GTF2I: variants seen among roughly 807,000 people sequenced by gnomAD.
The protein encoded by GTF2I is general transcription factor IIi.
In GTF2I, 12 loss-of-function variants were observed where a neutral mutation model predicts 67.6. The observed-to-expected ratio is 0.18, with a 90% CI of 0.11 to 0.29. The LOEUF is 0.29. Ranked by LOEUF, GTF2I falls within the 10% of genes least tolerant of loss-of-function variation. The probability of loss-of-function intolerance (pLI) is 1.00; values close to 1 mark genes in which losing one functional copy is unlikely to be tolerated. For missense variants in GTF2I, 271 were observed against 580.1 expected (o/e 0.47, Z 5.47); for synonymous variants, 149 against 197.0 (o/e 0.76, Z 2.04).
chr7:74,724,192 T>G (rs1288068079), intron 12 of GTF2I, among the ~76,000 whole-genome samples: 1 of 152,228 alleles, frequency 6.6e-6, no homozygotes, highest in African/African-American at 2.4e-5. Context: ...GTAAAGAGTT[T>G]TAGAGGAGCT....
At chr7:74,747,878 G>T (rs370097874) in intron 23 of GTF2I, 137 bp from the exon 24 acceptor site, 1,452 of 128,186 alleles carry the variant, frequency 0.011, 5 homozygotes, top group South Asian at 0.021. Flanking sequence ...TGTGGAACTC[G>T]CCGGAATGAC....
In GTF2I at chr7:74,712,487, AGTGTGTGTGTGTGTGTGT is replaced by A. The variant is rs142200093; in HGVS notation, c.763+1411_763+1428del. Among the ~76,000 whole-genome samples, 1,047 of 131,842 alleles carry A rather than the reference AGTGTGTGTGTGTGTGTGT, an allele frequency of 7.9e-3. 3 individuals are homozygous for A. The highest frequency in any genetic ancestry group is 0.011 in the Non-Finnish European group (689 of 61,228). The allele number at this position is 131,842 out of a possible 152,430, so 86.5% of individuals were successfully genotyped here. A position where few individuals can be genotyped will look rare whatever the true frequency, so the allele number is the denominator to read the frequency against. ...TTTACTACGTAAATATTCTCCCGGG[AGTGTGTGTGTGTGTGTGT>A]GTGTGTGTGTGTGTGTGTGTGTGTG... On this transcript the variant is annotated intron_variant, in intron 9 of 34. Transcript: ENST00000573035.
intron 1 of GTF2I, among the ~76,000 whole-genome samples, chr7:74,666,438 T>A (rs1804976859): frequency 1.3e-5 from 2 of 152,208 alleles, no homozygotes; most frequent in Admixed American, 1.3e-4. Context: ...ATGTATTATG[T>A]CCATATGAGG....
At chr7:74,665,448 C>T (rs1284718576) in intron 1 of GTF2I, among the ~76,000 whole-genome samples, 1 of 151,920 alleles carries the variant, frequency 6.6e-6, no homozygotes, top group Non-Finnish European at 1.5e-5. Flanking sequence ...GACAGGGTTT[C>T]ACCATGTTGG....
rs782675708 is a variant in GTF2I at position 74,674,712 on chromosome 7, ATTT to A, written c.-5-14400_-5-14398del. ...AGCCACCACGCTCAACTAATTTTGC[ATTT>A]TTTTTTTTTTTAGTGGAGACGGGGT... On this transcript the variant is annotated intron_variant, in intron 1 of 34. Transcript: ENST00000573035. 1.9e-3 allele frequency among the ~76,000 whole-genome samples: 254 copies of A among 132,188 alleles called. 1 individual carries two copies. The highest frequency in any genetic ancestry group is 6.8e-3 in the African/African-American group (245 of 35,858). The allele number at this position is 132,188 out of a possible 152,430, so 86.7% of individuals were successfully genotyped here. A position where few individuals can be genotyped will look rare whatever the true frequency, so the allele number is the denominator to read the frequency against.
chr7:74,663,946 C>T (rs1554387570), intron 1 of GTF2I, among the ~76,000 whole-genome samples: 3 of 152,122 alleles, frequency 2.0e-5, no homozygotes, highest in African/African-American at 7.2e-5. Flanking sequence ...TCTCCTGCCT[C>T]AGTCTCCTAA....
At chr7:74,702,059 AT>A (rs1789852338) in intron 6 of GTF2I, among the ~76,000 whole-genome samples, 1 of 152,024 alleles carries the variant, frequency 6.6e-6, no homozygotes, top group Non-Finnish European at 1.5e-5. Flanking sequence ...CTGTCTGTTG[AT>A]CCAGTCATCA....
chr7:74,735,656 T>A, intron 17 of GTF2I, 124 bp downstream of exon 17: 1 of 463,120 alleles, frequency 2.2e-6, no homozygotes, highest in Non-Finnish European at 4.0e-6. Context: ...GTTTTCCCTG[T>A]TTTTTTTTTT....
chr7:74,679,483 A>G (rs782709508), intron 1 of GTF2I, among the ~76,000 whole-genome samples: 2 of 152,198 alleles, frequency 1.3e-5, no homozygotes, highest in Non-Finnish European at 2.9e-5. Context: ...TGAAAAGGAT[A>G]TTATACTTTG....
At chr7:74,720,844 G>A (rs1161877922) in intron 12 of GTF2I, among the ~76,000 whole-genome samples, 3 of 149,382 alleles carry the variant, frequency 2.0e-5, no homozygotes, top group South Asian at 2.1e-4. Context: ...CCTGGTTCAC[G>A]CCATTCTCCT....
intron 1 of GTF2I, among the ~76,000 whole-genome samples, chr7:74,667,273 G>C (rs1159169201): frequency 2.0e-5 from 3 of 152,084 alleles, no homozygotes; most frequent in African/African-American, 7.2e-5. Context: ...AACCCGGGAG[G>C]TGGAGGTTAC....
At chr7:74,716,651 C>T in intron 10 of GTF2I, 3 of 377,634 alleles carry the variant, frequency 7.9e-6, no homozygotes, top group South Asian at 4.9e-5. Flanking sequence ...ATATTAAATC[C>T]CCAAACCTAC....
At chr7:74,705,246 T>G (rs139003561) in intron 7 of GTF2I, 28 bp downstream of exon 7, 2 of 1,366,626 alleles carry the variant, frequency 1.5e-6, no homozygotes, top group East Asian at 4.6e-5. Context: ...TACTGCTGTT[T>G]AACTCCCACA....
At chr7:74,707,941 T>G (rs1268696129) in intron 8 of GTF2I, among the ~76,000 whole-genome samples, 1 of 152,086 alleles carries the variant, frequency 6.6e-6, no homozygotes, top group Non-Finnish European at 1.5e-5. Context: ...AAGATGTACA[T>G]TTATAGCCAG....
At chr7:74,690,898 T>C (rs1349197269) in intron 2 of GTF2I, 75 bp from the exon 3 acceptor site, 6 of 1,403,174 alleles carry the variant, frequency 4.3e-6, no homozygotes, top group Non-Finnish European at 5.9e-6. Flanking sequence ...TGTTGTTAGT[T>C]TTTTTAATTC....
Position 74,758,055 on chromosome 7 carries a change from C to CTTTT in GTF2I, c.2938+66_2938+69dup. On this transcript the variant is annotated intron_variant, in intron 33 of 34. Transcript: ENST00000573035. ...TTAAGACTTCTTCTTTCTTCTTCTT[C>CTTTT]TTTTTTTTTTTTTTAAAGACAGAGA... 2.3e-5 allele frequency: 3 copies of CTTTT among 129,470 alleles called. No homozygotes were observed. The South Asian group carries it at 2.6e-4, about 11-fold the overall frequency. 8.0% of individuals were successfully genotyped at this position (129,470 alleles called of 1,614,324 possible).
At chr7:74,732,749 A>G in intron 15 of GTF2I, 87 bp downstream of exon 15, 3 of 1,528,138 alleles carry the variant, frequency 2.0e-6, no homozygotes, top group South Asian at 1.3e-5. Context: ...ATTCACCACT[A>G]GGTTCTATGT....
intron 3 of GTF2I, among the ~76,000 whole-genome samples, chr7:74,693,198 A>G (rs587680771): frequency 1.4e-5 from 2 of 142,846 alleles, no homozygotes; most frequent in African/African-American, 5.3e-5. Flanking sequence ...TCTGTGTTGC[A>G]TTTTGGTAAC....
At chr7:74,659,516 A>G (rs1804282920) in intron 1 of GTF2I, among the ~76,000 whole-genome samples, 1 of 151,480 alleles carries the variant, frequency 6.6e-6, no homozygotes, top group Admixed American at 6.6e-5. Context: ...CAGCCTCCTG[A>G]GTAGCTGGGA....
Sources: allele counts gnomAD v4.1 joint callset (sites outside exome capture counted in the v4.1 genomes callset), GRCh38; gene constraint gnomAD v4.1.1; transcripts MANE v1.5; gene names NCBI Gene and HGNC (gene_info 2026-07-23, HGNC 2026-07-21).